The following ITIH5 variants were observed in gnomAD, a reference collection of about 807,000 sequenced individuals.
The protein encoded by ITIH5 is inter-alpha-trypsin inhibitor heavy chain 5, also known as inter-alpha-trypsin inhibitor heavy chain H5.
ITIH5 carries 65 observed loss-of-function variants against 77.5 expected under a neutral mutation model. That is an observed-to-expected ratio of 0.84 (90% CI 0.69 to 1.03). The LOEUF is 1.03. ITIH5 is among the 50% of genes least tolerant of loss of function. ITIH5 has a pLI of 0.00. For synonymous variants in ITIH5, 525 were observed against 494.3 expected (o/e 1.06, Z -0.82); for missense variants, 1,208 against 1,213.1 (o/e 1.00, Z 0.06).
chr10:7,639,473 C>T (rs1009682014), intron 4 of ITIH5, among the ~76,000 whole-genome samples: 18 of 152,334 alleles, frequency 1.2e-4, no homozygotes, highest in East Asian at 1.9e-4. Flanking sequence ...TCATGTCCTC[C>T]AGACAAGAGT....
At chr10:7,587,717 T>A (rs1313754096) in intron 7 of ITIH5, among the ~76,000 whole-genome samples, 1 of 152,182 alleles carries the variant, frequency 6.6e-6, no homozygotes, top group Non-Finnish European at 1.5e-5. Flanking sequence ...TTGCTGTTAC[T>A]TGCTGGCTGG....
In ITIH5 at chr10:7,562,882, A is replaced by G. The variant is rs563081618; in HGVS notation, c.*201T>C. 2 of 628,436 alleles carry G rather than the reference A, an allele frequency of 3.2e-6. No homozygotes were observed. The highest frequency in any genetic ancestry group is 5.2e-5 in the East Asian group (2 of 38,318). 38.9% of individuals were successfully genotyped at this position (628,436 alleles called of 1,614,324 possible). A position where few individuals can be genotyped will look rare whatever the true frequency, so the allele number is the denominator to read the frequency against. On this transcript the variant is annotated 3_prime_UTR_variant, in exon 14 of 14. Coordinates refer to ENST00000397146, the MANE Select transcript of ITIH5 (RefSeq NM_030569.7). ...CAGGAAGAGGCAGTAGAGGGAAATG[A>G]CATTTGCACTCAGGCTTCCCGCCCC...
In ITIH5 at chr10:7,586,060, C is replaced by T. The variant is rs760277153; in HGVS notation, c.949G>A (p.Ala317Thr). The T allele has an allele frequency of 1.2e-6, 2 of 1,612,572 alleles. No individual in the cohort carries two copies. Among genetic ancestry groups the T allele is most frequent in the African/African-American group, 2.7e-5 (2 of 74,834 alleles). ...VGTKLRQTKDALFTILHDLRP... is the reference protein window; with the variant it reads ...VGTKLRQTKDTLFTILHDLRP... ...AGGTCATGGAGAATTGTGAAGAGGGCATCCTTGGTCTAGGCAAACACAAAA... is the reference window on the plus strand; with the variant it reads ...AGGTCATGGAGAATTGTGAAGAGGGTATCCTTGGTCTAGGCAAACACAAAA... The change falls in exon 8 of 14, where the codon GCC becomes ACC. Residue 317 changes from alanine to threonine, a missense_variant. Ala to Thr is a moderately conservative substitution (Grantham distance 58). Transcript: ENST00000397146.
At chr10:7,583,071 G>A (rs1328644323) in intron 8 of ITIH5, among the ~76,000 whole-genome samples, 1 of 152,120 alleles carries the variant, frequency 6.6e-6, no homozygotes, top group Admixed American at 6.5e-5. Flanking sequence ...CACAATGTAT[G>A]CCTGTATCAA....
At chr10:7,641,808 C>T (rs1833893662) in intron 3 of ITIH5, 119 bp downstream of exon 3, 10 of 724,286 alleles carry the variant, frequency 1.4e-5, no homozygotes, top group Non-Finnish European at 2.3e-5. Context: ...ACCTTCTGAT[C>T]TATATACCAT....
At chr10:7,607,770 C>T (rs1254975125) in intron 7 of ITIH5, among the ~76,000 whole-genome samples, 1 of 152,188 alleles carries the variant, frequency 6.6e-6, no homozygotes. Context: ...GCTGAGATAG[C>T]GCCATTGCAC....
chr10:7,663,821 A>T (rs775658614), intron 1 of ITIH5, among the ~76,000 whole-genome samples: 13 of 152,214 alleles, frequency 8.5e-5, no homozygotes, highest in Non-Finnish European at 1.5e-4. Context: ...CCGGCACCAC[A>T]TGGAGTACTC....
chr10:7,604,580 T>C (rs1419340893), intron 7 of ITIH5, among the ~76,000 whole-genome samples: 1 of 152,238 alleles, frequency 6.6e-6, no homozygotes, highest in Non-Finnish European at 1.5e-5. Flanking sequence ...AGGAAGGTTT[T>C]CAAGTTATCT....
At chr10:7,600,344 G>A (rs1832990137) in intron 7 of ITIH5, among the ~76,000 whole-genome samples, 2 of 152,148 alleles carry the variant, frequency 1.3e-5, no homozygotes, top group Admixed American at 6.5e-5. Context: ...CTGGTCCCCT[G>A]AAACATGCTT....
chr10:7,604,829 A>ATT (rs56006294), intron 7 of ITIH5, among the ~76,000 whole-genome samples: 2 of 152,110 alleles, frequency 1.3e-5, no homozygotes, highest in Middle Eastern at 3.4e-3. Flanking sequence ...AGATTGTTTC[A>ATT]TTTTTTCTTC....
At chr10:7,601,569 A>G (rs1431426830) in intron 7 of ITIH5, among the ~76,000 whole-genome samples, 1 of 152,140 alleles carries the variant, frequency 6.6e-6, no homozygotes, top group Non-Finnish European at 1.5e-5. Context: ...CCCTCCTGGT[A>G]TCCAGTAGCC....
intron 5 of ITIH5, among the ~76,000 whole-genome samples, chr10:7,631,917 C>G (rs562627382): frequency 1.4e-4 from 21 of 151,732 alleles, no homozygotes; most frequent in Admixed American, 6.6e-4. Flanking sequence ...CTCCCAAGTA[C>G]CTGGGATTAC....
intron 7 of ITIH5, among the ~76,000 whole-genome samples, chr10:7,604,540 G>A (rs924829357): frequency 3.3e-5 from 5 of 152,160 alleles, no homozygotes. Context: ...GATGTGTTTC[G>A]ATTCATCTCC....
At chr10:7,649,319 C>T (rs1834056660) in intron 2 of ITIH5, among the ~76,000 whole-genome samples, 8 of 151,712 alleles carry the variant, frequency 5.3e-5, no homozygotes, top group Admixed American at 3.9e-4. Flanking sequence ...CCTTCCCCTC[C>T]TCCTCCTCCT....
chr10:7,564,790 A>G (rs1832106348), intron 13 of ITIH5, among the ~76,000 whole-genome samples: 1 of 151,590 alleles, frequency 6.6e-6, no homozygotes, highest in Admixed American at 6.6e-5. Context: ...ACACACACAT[A>G]TATACAGACT....
At position 7,562,826 on chromosome 10, in the gene ITIH5, C is replaced by T; in HGVS notation, c.*257G>A. 1 of 545,040 alleles carries T rather than the reference C, an allele frequency of 1.8e-6. No homozygotes were observed. The highest frequency in any genetic ancestry group is 3.3e-6 in the Non-Finnish European group (1 of 302,352). The allele number at this position is 545,040 out of a possible 1,614,324, so 33.8% of individuals were successfully genotyped here. A position where few individuals can be genotyped will look rare whatever the true frequency, so the allele number is the denominator to read the frequency against. ...GCATTTAGCTATGACCCTTCTCTCCCCTCTGTGGATGTGGGCAGGGTGGGG... is the reference window on the plus strand; with the variant it reads ...GCATTTAGCTATGACCCTTCTCTCCTCTCTGTGGATGTGGGCAGGGTGGGG... On this transcript the variant is annotated 3_prime_UTR_variant, in exon 14 of 14. Transcript: ENST00000397146.
At chr10:7,628,555 T>TCCACATGATGGCATGTA (rs1456461535) in intron 5 of ITIH5, among the ~76,000 whole-genome samples, 1 of 152,020 alleles carries the variant, frequency 6.6e-6, no homozygotes, top group Non-Finnish European at 1.5e-5. Flanking sequence ...ATACCATGTA[T>TCCACATGATGGCATGTA]TCGTGTTGTG....
chr10:7,654,500 AT>A (rs1834149032), intron 2 of ITIH5, among the ~76,000 whole-genome samples: 1 of 152,222 alleles, frequency 6.6e-6, no homozygotes, highest in Non-Finnish European at 1.5e-5. Context: ...AATAAAGAAA[AT>A]ATCTCCCTCC....
intron 5 of ITIH5, among the ~76,000 whole-genome samples, chr10:7,635,788 A>G (rs1459714138): frequency 6.6e-6 from 1 of 152,112 alleles, no homozygotes; most frequent in Non-Finnish European, 1.5e-5. Flanking sequence ...TATGTTAAAT[A>G]CCAACATTCT....
Sources: gnomAD v4.1 joint callset for allele counts (sites outside exome capture counted in the v4.1 genomes callset) on GRCh38, gnomAD v4.1.1 for gene constraint, MANE v1.5 for transcripts, NCBI Gene and HGNC (gene_info 2026-07-23, HGNC 2026-07-21) for gene names.